The following MEGF11 variants were observed in gnomAD, a reference collection of about 807,000 sequenced individuals.
The protein encoded by MEGF11 is multiple EGF like domains 11.
A neutral mutation model predicts 146.6 loss-of-function variants in MEGF11; 126 were observed. The ratio of observed to expected loss-of-function variants is 0.86; its 90% CI spans 0.74 to 1.00. The LOEUF is 1.00. Ranked by LOEUF, MEGF11 falls within the 50% of genes least tolerant of loss-of-function variation. The pLI is 0.00. For missense variants in MEGF11, 1,509 were observed against 1,521.2 expected (o/e 0.99, Z 0.13); for synonymous variants, 532 against 583.4 (o/e 0.91, Z 1.27).
At chr15:65,978,009 G>A (rs2081508537) in intron 7 of MEGF11, among the ~76,000 whole-genome samples, 2 of 152,236 alleles carry the variant, frequency 1.3e-5, no homozygotes, top group South Asian at 4.1e-4. Context: ...TTCATGTTGG[G>A]CTAGCGGAAT....
intron 1 of MEGF11, among the ~76,000 whole-genome samples, chr15:66,230,675 G>C (rs2091950605): frequency 6.6e-6 from 1 of 152,228 alleles, no homozygotes; most frequent in South Asian, 2.1e-4. Context: ...AAAGGGGGGA[G>C]ATGAAACAAG....
chr15:65,919,471 A>T (rs1021625741), intron 15 of MEGF11, among the ~76,000 whole-genome samples: 1 of 152,214 alleles, frequency 6.6e-6, no homozygotes, highest in Admixed American at 6.5e-5. Flanking sequence ...ACTGTAGTCT[A>T]TTAAGTGTGC....
In MEGF11 at chr15:65,918,021, A is replaced by T. The variant is rs2079059099; in HGVS notation, c.2031T>A (p.Pro677=). Residue 677 remains proline (P), a synonymous_variant, in exon 16 of 26, where the codon CCT becomes CCA. Transcript: ENST00000395614. The stretch of plus-strand genomic sequence containing the variant: ...GAAAGCACTGGCAGGAGCCATCGAT[A>T]GGGCTGCAGGTCCCGTTGTTGGCAC... ...CSCANNGTCS[P]IDGSCQCFPG... The T allele has an allele frequency of 2.5e-6, 4 of 1,613,898 alleles. No individual in the cohort carries two copies. Among genetic ancestry groups the T allele is most frequent in the Non-Finnish European group, 3.4e-6 (4 of 1,179,900 alleles).
intron 1 of MEGF11, among the ~76,000 whole-genome samples, chr15:66,253,037 C>T (rs2092397722): frequency 6.6e-6 from 1 of 152,254 alleles, no homozygotes; most frequent in Non-Finnish European, 1.5e-5. Flanking sequence ...CGTTCCGCCT[C>T]CCTTCTCCCA....
At chr15:66,146,854 G>T (rs2089393252) in intron 1 of MEGF11, among the ~76,000 whole-genome samples, 1 of 152,202 alleles carries the variant, frequency 6.6e-6, no homozygotes, top group Non-Finnish European at 1.5e-5. Context: ...CACCTTCTCA[G>T]GGGGGTGTCT....
chr15:65,994,627 C>A (rs908040676), intron 5 of MEGF11, among the ~76,000 whole-genome samples: 15 of 152,138 alleles, frequency 9.9e-5, no homozygotes, highest in African/African-American at 2.7e-4. Context: ...ACCTGGGCAG[C>A]CGAGAGTCAG....
intron 1 of MEGF11, among the ~76,000 whole-genome samples, chr15:66,172,225 T>C (rs572195282): frequency 2.2e-4 from 33 of 152,302 alleles, no homozygotes; most frequent in Admixed American, 5.2e-4. Context: ...GGCACTGTCT[T>C]GCAAGAGTGG....
At chr15:65,923,616 T>C (rs1312662844) in intron 13 of MEGF11, among the ~76,000 whole-genome samples, 1 of 152,240 alleles carries the variant, frequency 6.6e-6, no homozygotes, top group African/African-American at 2.4e-5. Context: ...TCACTATGTA[T>C]GTTGGACTCT....
At chr15:65,914,122 C>G in intron 19 of MEGF11, 149 bp from the exon 20 acceptor site, 3 of 623,384 alleles carry the variant, frequency 4.8e-6, no homozygotes, top group East Asian at 5.5e-5. Context: ...GTGACTACCC[C>G]CAGCCCTCAC....
chr15:66,039,782 T>C (rs893008656), intron 5 of MEGF11, among the ~76,000 whole-genome samples: 2 of 139,944 alleles, frequency 1.4e-5, no homozygotes, highest in African/African-American at 5.4e-5. Flanking sequence ...GTGACGGTCC[T>C]GAGCCGGGTC....
At chr15:66,097,676 C>A (rs1246063159) in intron 4 of MEGF11, among the ~76,000 whole-genome samples, 1 of 151,760 alleles carries the variant, frequency 6.6e-6, no homozygotes, top group East Asian at 1.9e-4. Flanking sequence ...TGCACTCTCA[C>A]CACCCTGCTT....
At chr15:66,200,712 C>A (rs7171000) in intron 1 of MEGF11, among the ~76,000 whole-genome samples, 1,855 of 152,272 alleles carry the variant, frequency 0.012, 37 homozygotes, top group African/African-American at 0.043. Flanking sequence ...TAAGGCAGAA[C>A]CTTCCTATTA....
rs1428533327 is a variant in MEGF11 at position 66,192,475 on chromosome 15, TAAAATAAAATAAA to T, written c.-9+61117_-9+61129del. Among the ~76,000 whole-genome samples the T allele has an allele frequency of 4.6e-4, 9 of 19,478 alleles. 1 individual carries two copies. The South Asian group carries it at 9.7e-3, about 21-fold the overall frequency. 12.8% of individuals were successfully genotyped at this position (19,478 alleles called of 152,430 possible). On this transcript the variant is annotated intron_variant, in intron 1 of 25. Transcript: ENST00000395614. Reference sequence around the variant, plus strand: ...ACAGAGCAAGACTCCATCTCAAAAATAAAATAAAATAAAATAAAATAAAATAAAATAAAATAAA... The same window carrying T: ...ACAGAGCAAGACTCCATCTCAAAAATATAAAATAAAATAAAATAAAATAAA...
intron 10 of MEGF11, among the ~76,000 whole-genome samples, chr15:65,945,411 A>G (rs947706301): frequency 6.8e-6 from 1 of 147,828 alleles, no homozygotes; most frequent in African/African-American, 2.5e-5. Context: ...GAGGGAGGAG[A>G]GGGGAGCAGA....
At chr15:65,997,942 G>A (rs368504024) in intron 5 of MEGF11, among the ~76,000 whole-genome samples, 12 of 151,884 alleles carry the variant, frequency 7.9e-5, no homozygotes, top group African/African-American at 2.2e-4. Context: ...AAGAGCGGGA[G>A]GTAAGAAGTG....
intron 1 of MEGF11, among the ~76,000 whole-genome samples, chr15:66,134,445 C>A (rs935678978): frequency 7.1e-6 from 1 of 140,714 alleles, no homozygotes; most frequent in Non-Finnish European, 1.6e-5. Context: ...CTGACCAACC[C>A]GGACACCTGC....
chr15:66,193,436 C>A (rs1485978187), intron 1 of MEGF11, among the ~76,000 whole-genome samples: 1 of 152,210 alleles, frequency 6.6e-6, no homozygotes, highest in Non-Finnish European at 1.5e-5. Context: ...TAGGTGCAGA[C>A]CCTAAACTCA....
At chr15:65,934,709 C>G (rs1268991842) in intron 10 of MEGF11, among the ~76,000 whole-genome samples, 1 of 152,126 alleles carries the variant, frequency 6.6e-6, no homozygotes, top group Non-Finnish European at 1.5e-5. Flanking sequence ...AAGTTGATCA[C>G]CAAAGGCCAG....
At chr15:66,171,036 C>G (rs2090239196) in intron 1 of MEGF11, among the ~76,000 whole-genome samples, 1 of 152,222 alleles carries the variant, frequency 6.6e-6, no homozygotes, top group Non-Finnish European at 1.5e-5. Flanking sequence ...CCCTCCCTTT[C>G]AGGTTTCTTT....
Sources: gnomAD v4.1 joint callset for allele counts (sites outside exome capture counted in the v4.1 genomes callset) on GRCh38, gnomAD v4.1.1 for gene constraint, MANE v1.5 for transcripts, NCBI Gene and HGNC (gene_info 2026-07-23, HGNC 2026-07-21) for gene names.